The following ADGRV1 variants were observed in gnomAD, a reference collection of about 807,000 sequenced individuals.
ADGRV1 encodes G-protein coupled receptor 98.
In ADGRV1, 359 loss-of-function variants were observed where a neutral mutation model predicts 596.2. That is an observed-to-expected ratio of 0.60 (90% CI 0.55 to 0.66). The LOEUF is 0.66. Ranked by LOEUF, ADGRV1 falls within the 30% of genes least tolerant of loss-of-function variation. The probability of loss-of-function intolerance (pLI) is 0.00; values close to 1 mark genes in which losing one functional copy is unlikely to be tolerated. For missense variants in ADGRV1, 7,274 were observed against 7,575.6 expected (o/e 0.96, Z 1.48); for synonymous variants, 2,681 against 2,679.2 (o/e 1.00, Z -0.02).
At position 90,642,693 on chromosome 5, in the gene ADGRV1, T is replaced by G. The variant is rs781774979; in HGVS notation, c.2298T>G (p.Ile766Met). 6.2e-7 allele frequency: 1 copy of G among 1,613,664 alleles called. No homozygotes were observed. Among genetic ancestry groups the G allele is most frequent in the Admixed American group, 1.7e-5 (1 of 60,004 alleles). ...KSGYTSRDLI[I>M]LENDDPGGVF... is the part of the protein sequence containing the mutation. ...GATATACTAGCCGTGACCTAATTAT[T>G]TTGGAAAATGATGACCCTGGGGGAG... The change falls in exon 12 of 90, where the codon ATT (isoleucine) becomes ATG (methionine). Residue 766 changes from isoleucine (I) to methionine (M), a missense_variant. Ile to Met is a conservative substitution (Grantham distance 10). Coordinates refer to ENST00000405460, the MANE Select transcript of ADGRV1 (RefSeq NM_032119.4).
In ADGRV1 at chr5:90,854,205, C is replaced by G. The variant is rs1194747009; in HGVS notation, c.17594+4C>G. On this transcript the variant is annotated splice_donor_region_variant and intron_variant, in intron 81 of 89. Coordinates refer to ENST00000405460, the MANE Select transcript of ADGRV1 (RefSeq NM_032119.4). ...TTTGGAATCAGGCTGCTGCAAGGTA[C>G]TTATTAATAAAATAAAAAAATCAGA... is the stretch of plus-strand genomic sequence containing the variant. 2 of 1,521,534 alleles carry G rather than the reference C, an allele frequency of 1.3e-6. No individual in the cohort carries two copies. Among genetic ancestry groups the G allele is most frequent in the Non-Finnish European group, 8.8e-7 (1 of 1,135,722 alleles). The allele number at this position is 1,521,534 out of a possible 1,614,324, so 94.3% of individuals were successfully genotyped here.
Position 90,716,732 on chromosome 5 carries a change from AC to A in ADGRV1, c.9447+4del. 1 of 1,606,662 alleles carries A rather than the reference AC, an allele frequency of 6.2e-7. No individual in the cohort carries two copies. Among genetic ancestry groups the A allele is most frequent in the Non-Finnish European group, 8.5e-7 (1 of 1,174,394 alleles). ...TAGAAGAAGGTGTTCGATTCAAGGT[AC>A]AGTAAGAAGCTTTAATGAGAATGGA... is the stretch of plus-strand genomic sequence containing the variant. On this transcript the variant is annotated splice_donor_region_variant and intron_variant, in intron 43 of 89. Transcript: ENST00000405460.
At position 90,729,750 on chromosome 5, in the gene ADGRV1, C is replaced by A; in HGVS notation, c.10535C>A (p.Pro3512Gln). 1 of 1,613,388 alleles carries A rather than the reference C, an allele frequency of 6.2e-7. No homozygotes were observed. The highest frequency in any genetic ancestry group is 1.1e-5 in the South Asian group (1 of 91,010). ...GTTAACAGAATCCACTCCTTCACAC[C>A]AGCCTCAGGAATAGGTAAGGACTTT... The part of the protein sequence containing the change: ...AAVNRIHSFT[P>Q]ASGIAHILLI... Residue 3512 changes from proline (P) to glutamine (Q), a missense_variant, in exon 50 of 90, where the codon CCA becomes CAA. Pro to Gln is a moderately conservative substitution (Grantham distance 76). Around this residue, in one of 5 missense-constraint regions of ADGRV1, gnomAD observed 3,643 missense variants for 3,809.2 expected, o/e 0.96. Transcript: ENST00000405460.
chr5:91,108,336 A>G (rs939937157), intron 87 of ADGRV1, among the ~76,000 whole-genome samples: 1 of 152,142 alleles, frequency 6.6e-6, no homozygotes, highest in Middle Eastern at 3.4e-3. Flanking sequence ...ATATTTCTCT[A>G]CTGATTTTAT....
At chr5:90,871,676 C>T (rs1768697838) in intron 83 of ADGRV1, among the ~76,000 whole-genome samples, 1 of 152,184 alleles carries the variant, frequency 6.6e-6, no homozygotes, top group Admixed American at 6.5e-5. Flanking sequence ...ATAAACTATC[C>T]TTGACCTTTA....
At position 90,812,460 on chromosome 5, in the gene ADGRV1, C is replaced by T. The variant is rs536128466; in HGVS notation, c.16078+1122C>T. 2.0e-5 allele frequency among the ~76,000 whole-genome samples: 3 copies of T among 152,258 alleles called. No individual in the cohort carries two copies. The South Asian group carries it at 6.2e-4, about 32-fold the overall frequency. The stretch of plus-strand genomic sequence containing the variant: ...GTTAACATGTACATTACCTCAAGTA[C>T]TTAACTTTTTTTATAGTGAGAATAT... On this transcript the variant is annotated intron_variant, in intron 74 of 89. Coordinates refer to ENST00000405460, the MANE Select transcript of ADGRV1 (RefSeq NM_032119.4).
At chr5:90,587,050 C>T (rs1758841573) in intron 1 of ADGRV1, among the ~76,000 whole-genome samples, 1 of 152,168 alleles carries the variant, frequency 6.6e-6, no homozygotes, top group South Asian at 2.1e-4. Flanking sequence ...GCCCTAGTTA[C>T]CTTCAGTGGT....
At chr5:91,056,324 G>C (rs777525914) in intron 85 of ADGRV1, among the ~76,000 whole-genome samples, 46 of 152,110 alleles carry the variant, frequency 3.0e-4, no homozygotes, top group Non-Finnish European at 5.7e-4. Context: ...CCACCAAACA[G>C]TGACCATGAC....
intron 83 of ADGRV1, among the ~76,000 whole-genome samples, chr5:90,934,574 T>C (rs1775520783): frequency 6.6e-6 from 1 of 152,194 alleles, no homozygotes; most frequent in Non-Finnish European, 1.5e-5. Context: ...TCCTGAACCT[T>C]GTCCATGGGT....
intron 83 of ADGRV1, among the ~76,000 whole-genome samples, chr5:90,935,653 C>G (rs1446616086): frequency 6.6e-6 from 1 of 152,060 alleles, no homozygotes; most frequent in Non-Finnish European, 1.5e-5. Context: ...GTCTGTGGGC[C>G]CCACAAAATT....
At chr5:90,908,685 C>G (rs1772550912) in intron 83 of ADGRV1, among the ~76,000 whole-genome samples, 1 of 152,124 alleles carries the variant, frequency 6.6e-6, no homozygotes, top group Non-Finnish European at 1.5e-5. Context: ...TGTATATGAC[C>G]TTCTGCGCAT....
chr5:90,679,513 G>A (rs1317875820), intron 25 of ADGRV1, 36 bp from the exon 26 acceptor site: 1 of 1,465,842 alleles, frequency 6.8e-7, no homozygotes, highest in East Asian at 2.3e-5. Flanking sequence ...GTCAATGTGT[G>A]TTGTGTGGGT....
chr5:90,619,185 T>C lies in ADGRV1; in HGVS notation c.453+4T>C. 4 of 1,256,658 alleles carry C rather than the reference T, an allele frequency of 3.2e-6. No individual in the cohort carries two copies. Among genetic ancestry groups the C allele is most frequent in the Non-Finnish European group, 4.3e-6 (4 of 921,296 alleles). 77.8% of individuals were successfully genotyped at this position (1,256,658 alleles called of 1,614,324 possible). A position where few individuals can be genotyped will look rare whatever the true frequency, so the allele number is the denominator to read the frequency against. ...TGGAATTATTTCATTTAATATGGTATGGACACAATTTGATGATAATTGTGG... is the reference window on the plus strand; with the variant it reads ...TGGAATTATTTCATTTAATATGGTACGGACACAATTTGATGATAATTGTGG... On this transcript the variant is annotated splice_donor_region_variant and intron_variant, in intron 4 of 89. Coordinates refer to ENST00000405460, the MANE Select transcript of ADGRV1 (RefSeq NM_032119.4).
chr5:90,915,118 G>A (rs1221952860), intron 83 of ADGRV1, among the ~76,000 whole-genome samples: 2 of 151,968 alleles, frequency 1.3e-5, no homozygotes, highest in African/African-American at 2.4e-5. Context: ...TTTAAAAAAT[G>A]TTCAGTATTA....
At chr5:90,750,439 C>T in intron 52 of ADGRV1, 112 bp from the exon 53 acceptor site, 1 of 742,204 alleles carries the variant, frequency 1.3e-6, no homozygotes, top group Non-Finnish European at 2.2e-6. Flanking sequence ...CTTACTATGT[C>T]ATGTTGCTTA....
In ADGRV1 at chr5:91,139,676, G is replaced by C. The variant is rs114010516; in HGVS notation, c.18433-10354G>C. ...TAGTTATCATGTAGTTATCAAACTG[G>C]CTGATTTAATGGACCAAGTCAGATT... On this transcript the variant is annotated intron_variant, in intron 87 of 89. Coordinates refer to ENST00000405460, the MANE Select transcript of ADGRV1 (RefSeq NM_032119.4). Among the ~76,000 whole-genome samples, 192 of 152,312 alleles carry C rather than the reference G, an allele frequency of 1.3e-3. 1 individual carries two copies. Among genetic ancestry groups the C allele is most frequent in the African/African-American group, 4.4e-3 (182 of 41,580 alleles).
chr5:90,993,427 C>T (rs1408716495), intron 85 of ADGRV1, among the ~76,000 whole-genome samples: 1 of 151,994 alleles, frequency 6.6e-6, no homozygotes, highest in African/African-American at 2.4e-5. Flanking sequence ...AAAGTGCTGG[C>T]ATTACAGGCG....
rs536556742 is a variant in ADGRV1 at position 91,062,287 on chromosome 5, G to C, written c.18153-10160G>C. Reference sequence around the variant, plus strand: ...CCACCAATAATGTGCAACTGTCCCTGTCAAATTCTCAAGGGCAAAAGACAG... The same window carrying C: ...CCACCAATAATGTGCAACTGTCCCTCTCAAATTCTCAAGGGCAAAAGACAG... On this transcript the variant is annotated intron_variant, in intron 85 of 89. Transcript: ENST00000405460. Among the ~76,000 whole-genome samples the C allele has an allele frequency of 7.9e-5, 12 of 152,290 alleles. No homozygotes were observed. The South Asian group carries it at 2.5e-3, about 32-fold the overall frequency.
intron 1 of ADGRV1, among the ~76,000 whole-genome samples, chr5:90,560,043 A>G (rs1408114542): frequency 8.5e-5 from 13 of 152,160 alleles, no homozygotes; most frequent in African/African-American, 2.9e-4. Context: ...GGAGATGTCA[A>G]ATAGACTCTG....
Sources: allele counts gnomAD v4.1 joint callset (sites outside exome capture counted in the v4.1 genomes callset), GRCh38; gene constraint gnomAD v4.1.1; regional missense constraint gnomAD v4.1.1; transcripts MANE v1.5; gene names NCBI Gene and HGNC (gene_info 2026-07-23, HGNC 2026-07-21).